LRMDA: variants seen among roughly 807,000 people sequenced by gnomAD.
The protein encoded by LRMDA is leucine rich melanocyte differentiation associated.
LRMDA carries 18 observed loss-of-function variants against 29.8 expected under a neutral mutation model. The ratio of observed to expected loss-of-function variants is 0.60; its 90% CI spans 0.42 to 0.90. The LOEUF is 0.90. Ranked by LOEUF, LRMDA falls within the 40% of genes least tolerant of loss-of-function variation. The pLI is 0.00. For missense variants in LRMDA, 273 were observed against 273.9 expected (o/e 1.00, Z 0.02); for synonymous variants, 125 against 109.4 (o/e 1.14, Z -0.89).
At chr10:75,693,251 A>T (rs11001470) in intron 2 of LRMDA, among the ~76,000 whole-genome samples, 6,042 of 152,262 alleles carry the variant, frequency 0.04, 312 homozygotes, top group African/African-American at 0.12. Flanking sequence ...AAAAAGTACC[A>T]CAAATAAATT....
rs576735506 is a variant in LRMDA at position 75,996,819 on chromosome 10, G to A, written c.132-39189G>A. The stretch of plus-strand genomic sequence containing the variant: ...GTCATCTTGGCTCACTGCAAGCTCC[G>A]CCTCCTGGGTTCACGCCATTCTCCT... On this transcript the variant is annotated intron_variant, in intron 2 of 6. Coordinates refer to ENST00000611255, the MANE Select transcript of LRMDA (RefSeq NM_001305581.2). Among the ~76,000 whole-genome samples, 49 of 150,126 alleles carry A rather than the reference G, an allele frequency of 3.3e-4. No homozygotes were observed. In the South Asian group the frequency reaches 9.8e-3, roughly 30 times the overall value.
intron 2 of LRMDA, among the ~76,000 whole-genome samples, chr10:75,761,328 T>G (rs1490850541): frequency 6.6e-6 from 1 of 152,216 alleles, no homozygotes; most frequent in Non-Finnish European, 1.5e-5. Flanking sequence ...TAGCCTATAT[T>G]TACAATGTAA....
At chr10:76,005,912 G>A (rs528729467) in intron 2 of LRMDA, among the ~76,000 whole-genome samples, 1 of 147,420 alleles carries the variant, frequency 6.8e-6, no homozygotes, top group Admixed American at 6.8e-5. Flanking sequence ...CCTGGGTGCA[G>A]TGCGAGACTC....
At chr10:75,919,289 A>G (rs1056888581) in intron 2 of LRMDA, among the ~76,000 whole-genome samples, 1 of 152,232 alleles carries the variant, frequency 6.6e-6, no homozygotes, top group African/African-American at 2.4e-5. Context: ...CTAGGGGTTG[A>G]CTAAGAAACA....
At chr10:76,431,849 G>A (rs115774535) in intron 6 of LRMDA, among the ~76,000 whole-genome samples, 1,873 of 152,210 alleles carry the variant, frequency 0.012, 43 homozygotes, top group African/African-American at 0.042. Context: ...TAGCGAATAA[G>A]TTTCACAAGA....
At position 76,345,242 on chromosome 10, in the gene LRMDA, A is replaced by AT. The variant is rs375432601; in HGVS notation, c.601+20768dup. On this transcript the variant is annotated intron_variant, in intron 6 of 6. Transcript: ENST00000611255. ...CTACCACGCCCGGCTAATTTTTTGT[A>AT]TTTTTTTTTTTAGTAGAGACGGGGT... 5.7e-3 allele frequency among the ~76,000 whole-genome samples: 807 copies of AT among 140,374 alleles called. 6 individuals are homozygous for AT. Among genetic ancestry groups the AT allele is most frequent in the African/African-American group, 0.013 (495 of 37,978 alleles). The allele number at this position is 140,374 out of a possible 152,430, so 92.1% of individuals were successfully genotyped here.
At chr10:75,456,747 C>T (rs1014600913) in intron 2 of LRMDA, among the ~76,000 whole-genome samples, 1 of 152,216 alleles carries the variant, frequency 6.6e-6, no homozygotes, top group Non-Finnish European at 1.5e-5. Context: ...ACAATCTTGG[C>T]TCACTGCAAC....
intron 2 of LRMDA, among the ~76,000 whole-genome samples, chr10:75,643,918 A>T (rs1053432900): frequency 6.6e-6 from 1 of 152,274 alleles, no homozygotes; most frequent in Non-Finnish European, 1.5e-5. Flanking sequence ...TTATTTCAGC[A>T]GAGTTTTATG....
chr10:75,999,753 T>C (rs566904492), intron 2 of LRMDA, among the ~76,000 whole-genome samples: 1 of 152,358 alleles, frequency 6.6e-6, no homozygotes, highest in East Asian at 1.9e-4. Context: ...CATTTCTATC[T>C]ACATTTCACT....
chr10:75,780,172 G>A (rs928584619), intron 2 of LRMDA, among the ~76,000 whole-genome samples: 12 of 152,276 alleles, frequency 7.9e-5, no homozygotes, highest in Non-Finnish European at 1.3e-4. Flanking sequence ...TAGATTCCTT[G>A]TACCCATAAA....
At chr10:75,496,965 A>G (rs1223676697) in intron 2 of LRMDA, among the ~76,000 whole-genome samples, 1 of 151,756 alleles carries the variant, frequency 6.6e-6, no homozygotes, top group African/African-American at 2.4e-5. Flanking sequence ...CAGGAATCCT[A>G]GATTAAGAAC....
At chr10:76,412,844 C>A (rs1229027018) in intron 6 of LRMDA, among the ~76,000 whole-genome samples, 2 of 152,106 alleles carry the variant, frequency 1.3e-5, no homozygotes, top group Non-Finnish European at 2.9e-5. Context: ...TGTTTTGCTG[C>A]TAAATGCTAA....
At chr10:76,474,342 C>A (rs991288668) in intron 6 of LRMDA, among the ~76,000 whole-genome samples, 7 of 151,420 alleles carry the variant, frequency 4.6e-5, no homozygotes, top group African/African-American at 1.7e-4. Flanking sequence ...AATATGATAT[C>A]AAAATCACAA....
At chr10:75,690,838 C>A (rs755721772) in intron 2 of LRMDA, among the ~76,000 whole-genome samples, 3 of 150,578 alleles carry the variant, frequency 2.0e-5, no homozygotes, top group Admixed American at 6.6e-5. Context: ...CTGAGCATGG[C>A]GGTGTGCACC....
intron 2 of LRMDA, among the ~76,000 whole-genome samples, chr10:75,698,101 A>G (rs1043306887): frequency 6.6e-6 from 1 of 152,230 alleles, no homozygotes; most frequent in Non-Finnish European, 1.5e-5. Context: ...GAAATGATGG[A>G]ACCAAGGTTC....
At chr10:76,257,989 C>T (rs1839888002) in intron 5 of LRMDA, among the ~76,000 whole-genome samples, 1 of 152,216 alleles carries the variant, frequency 6.6e-6, no homozygotes, top group Non-Finnish European at 1.5e-5. Context: ...AGGAAAACTC[C>T]ATGCTCAAGT....
intron 6 of LRMDA, among the ~76,000 whole-genome samples, chr10:76,395,918 T>C (rs1418944856): frequency 6.6e-6 from 1 of 152,270 alleles, no homozygotes; most frequent in Non-Finnish European, 1.5e-5. Flanking sequence ...TACTATACAA[T>C]AGTGCTGATG....
chr10:75,921,976 T>TC (rs1344745738), intron 2 of LRMDA, among the ~76,000 whole-genome samples: 2 of 152,144 alleles, frequency 1.3e-5, no homozygotes, highest in African/African-American at 2.4e-5. Flanking sequence ...TCCTCTTCCT[T>TC]CCCCCCAACA....
intron 6 of LRMDA, among the ~76,000 whole-genome samples, chr10:76,479,934 A>G (rs868779604): frequency 1.1e-4 from 16 of 152,128 alleles, no homozygotes; most frequent in Middle Eastern, 3.4e-3. Flanking sequence ...AGAAATTGCC[A>G]ACTCAGTAGG....
Sources: gnomAD v4.1 joint callset for allele counts (sites outside exome capture counted in the v4.1 genomes callset) on GRCh38, gnomAD v4.1.1 for gene constraint, MANE v1.5 for transcripts, NCBI Gene and HGNC (gene_info 2026-07-23, HGNC 2026-07-21) for gene names.